EPHA10: variants seen among roughly 807,000 people sequenced by gnomAD.
EPHA10 encodes the protein EPH receptor A10.
In EPHA10, 120 loss-of-function variants were observed where a neutral mutation model predicts 109.7. That is an observed-to-expected ratio of 1.09 (90% confidence interval 0.94 to 1.27). EPHA10 has a LOEUF of 1.27. EPHA10 is among the 50% of genes most tolerant of loss of function. EPHA10 has a pLI of 0.00. For synonymous variants in EPHA10, 640 were observed against 618.9 expected (o/e 1.03, Z -0.51); for missense variants, 1,396 against 1,411.1 (o/e 0.99, Z 0.17).
chr1:37,738,519 G>T (rs926259149), intron 5 of EPHA10, among the ~76,000 whole-genome samples: 4 of 152,154 alleles, frequency 2.6e-5, no homozygotes, highest in Non-Finnish European at 4.4e-5. Flanking sequence ...ACAAGTGTTG[G>T]CAAGGACATG....
intron 3 of EPHA10, among the ~76,000 whole-genome samples, chr1:37,755,205 C>T (rs1434024357): frequency 1.3e-5 from 2 of 152,156 alleles, no homozygotes; most frequent in Non-Finnish European, 2.9e-5. Context: ...CATCACACCA[C>T]CCTCAGGACC....
chr1:37,723,260 A>G (rs919227492), intron 9 of EPHA10, 51 bp downstream of exon 9: 1 of 1,609,800 alleles, frequency 6.2e-7, no homozygotes, highest in South Asian at 1.1e-5. Flanking sequence ...AGGGCTGAGG[A>G]GTGAGGCAGG....
intron 5 of EPHA10, among the ~76,000 whole-genome samples, chr1:37,739,073 C>T (rs566724593): frequency 2.1e-3 from 315 of 152,042 alleles, no homozygotes; most frequent in African/African-American, 7.1e-3. Context: ...ATGGGTGCAA[C>T]AAACCAACAT....
Position 37,735,202 on chromosome 1 carries a change from G to A in EPHA10, c.1491+55C>T. On this transcript the variant is annotated intron_variant, in intron 6 of 16. Transcript: ENST00000373048. The stretch of plus-strand genomic sequence containing the variant: ...GGGAGGATGGCCTGAAGAACCAGAA[G>A]CCCTGCGGGACAGGTGCGGGGCAGG... 7 of 1,551,040 alleles carry A rather than the reference G, an allele frequency of 4.5e-6. No homozygotes were observed. The South Asian group carries it at 6.0e-5, about 13-fold the overall frequency.
Position 37,731,543 on chromosome 1 carries a change from C to T in EPHA10, c.1531G>A (p.Ala511Thr), listed in dbSNP as rs2148330187. Residue 511 changes from alanine to threonine, a missense_variant, in exon 7 of 17, where the codon GCG (alanine) becomes ACG (threonine). Transcript: ENST00000373048. ...AGGTTGGTGACGGTGACTGTGGGCG[C>T]CCCTGTCTTCACCATGGAGTAAGTC... ...EQTYSMVKTG[A>T]PTVTVTNLKP... 1 of 1,613,932 alleles carries T rather than the reference C, an allele frequency of 6.2e-7. No homozygotes were observed. The highest frequency in any genetic ancestry group is 8.5e-7 in the Non-Finnish European group (1 of 1,179,924).
In EPHA10 at chr1:37,731,480, C is replaced by T. The variant is rs35063879; in HGVS notation, c.1594G>A (p.Ala532Thr). The T allele has an allele frequency of 2.7e-3, 4,433 of 1,613,934 alleles. 102 individuals carry two copies. The African/African-American group carries it at 0.051, about 19-fold the overall frequency. The change falls in exon 7 of 17, where the codon GCT becomes ACT. Residue 532 changes from alanine (A) to threonine (T), a missense_variant. Ala to Thr is a moderately conservative substitution (Grantham distance 58). Coordinates refer to ENST00000373048, the MANE Select transcript of EPHA10 (RefSeq NM_001099439.2). Reference protein sequence around the residue: ...ATRYVFQIRAASPGPSWEAQS... With the variant: ...ATRYVFQIRATSPGPSWEAQS... Reference sequence around the variant, plus strand: ...GCCTCCCAGGATGGCCCCGGGGAAGCGGCCCGGATCTGAAAGACGTAGCGG... The same window carrying T: ...GCCTCCCAGGATGGCCCCGGGGAAGTGGCCCGGATCTGAAAGACGTAGCGG...
chr1:37,762,942 G>A (rs1457331096), intron 1 of EPHA10, 93 bp from the exon 2 acceptor site: 3 of 1,230,692 alleles, frequency 2.4e-6, no homozygotes, highest in African/African-American at 1.5e-5. Flanking sequence ...TAAATTTGCT[G>A]AGAGAATGCA....
chr1:37,735,376 C>A lies in EPHA10; in HGVS notation c.1372G>T (p.Asp458Tyr), dbSNP rs570567265. Residue 458 changes from aspartate (D) to tyrosine (Y), a missense_variant, in exon 6 of 17, where the codon GAT becomes TAT. Transcript: ENST00000373048. ...STGPGAPWEE[D>Y]EIRRDRVEPQ... is the part of the protein sequence containing the mutation. Reference sequence around the variant, plus strand: ...TCCACTCGGTCCCTGCGGATCTCATCCTCCTCCCAGGGCGCTGAAAGTAAG... The same window carrying A: ...TCCACTCGGTCCCTGCGGATCTCATACTCCTCCCAGGGCGCTGAAAGTAAG... The A allele has an allele frequency of 4.0e-5, 64 of 1,581,256 alleles. No individual in the cohort carries two copies. In the Admixed American group the frequency reaches 9.0e-4, roughly 22 times the overall value.
chr1:37,761,362 A>G (rs1557560500), intron 3 of EPHA10, 43 bp downstream of exon 3: 2 of 1,563,840 alleles, frequency 1.3e-6, no homozygotes, highest in Admixed American at 1.8e-5. Context: ...ATTGCCACCT[A>G]CGCTCTACAC....
rs56171133 is a variant in EPHA10 at position 37,761,757 on chromosome 1, C to G, written c.498G>C (p.Leu166=). ...AADESFTQGD[L]GERKMKLNTE... is the part of the protein sequence containing the mutation. ...TGTTCAGCTTCATCTTGCGCTCACC[C>G]AGGTCGCCCTGCGTGAAGCTCTCGT... Residue 166 remains leucine, a synonymous_variant, in exon 3 of 17, where the codon CTG becomes CTC. Coordinates refer to ENST00000373048, the MANE Select transcript of EPHA10 (RefSeq NM_001099439.2). 3,104 of 1,613,828 alleles carry G rather than the reference C, an allele frequency of 1.9e-3. 56 individuals are homozygous for G. The African/African-American group carries it at 0.036, about 19-fold the overall frequency.
intron 6 of EPHA10, among the ~76,000 whole-genome samples, chr1:37,732,134 A>G (rs1044581857): frequency 1.3e-5 from 2 of 152,164 alleles, no homozygotes; most frequent in Non-Finnish European, 2.9e-5. Context: ...GACTCCCCCA[A>G]GGCCCCAGCT....
chr1:37,730,119 A>C (rs11803367), intron 7 of EPHA10, among the ~76,000 whole-genome samples: 2,849 of 152,142 alleles, frequency 0.019, 76 homozygotes, highest in African/African-American at 0.063. Context: ...CTCTCCCCAG[A>C]ATGCCTCCCT....
At chr1:37,739,328 C>T (rs1000047687) in intron 5 of EPHA10, among the ~76,000 whole-genome samples, 1 of 152,168 alleles carries the variant, frequency 6.6e-6, no homozygotes, top group African/African-American at 2.4e-5. Context: ...CATGATTCCA[C>T]TTATGTGAGG....
intron 5 of EPHA10, among the ~76,000 whole-genome samples, chr1:37,740,659 A>G (rs1490167111): frequency 2.0e-5 from 3 of 152,098 alleles, no homozygotes; most frequent in African/African-American, 4.8e-5. Context: ...CAAGTTTGAG[A>G]ACCGCCAGTC....
In EPHA10 at chr1:37,718,659, A is replaced by C; in HGVS notation, c.2912+2T>G. ...GCCTTGACCTTGGTGCCTTGGACTCACTGGGCAGTCATCTCGGCCACGGCC... is the reference window on the plus strand; with the variant it reads ...GCCTTGACCTTGGTGCCTTGGACTCCCTGGGCAGTCATCTCGGCCACGGCC... On this transcript the variant is annotated splice_donor_variant, in intron 16 of 16. Transcript: ENST00000373048. LOFTEE classifies it high-confidence loss of function. The C allele has an allele frequency of 6.2e-7, 1 of 1,613,154 alleles. No homozygotes were observed.
At chr1:37,719,054 C>G in intron 15 of EPHA10, 1 of 615,098 alleles carries the variant, frequency 1.6e-6, no homozygotes, top group Non-Finnish European at 2.8e-6. Context: ...CCGGAACAGT[C>G]TGGGGTAGGA....
chr1:37,764,901 TCGCC>T lies in EPHA10; in HGVS notation c.106+56_106+59del. The T allele has an allele frequency of 6.8e-7, 1 of 1,469,166 alleles. No homozygotes were observed. Among genetic ancestry groups the T allele is most frequent in the South Asian group, 1.2e-5 (1 of 82,192 alleles). 91.0% of individuals were successfully genotyped at this position (1,469,166 alleles called of 1,614,324 possible). A position where few individuals can be genotyped will look rare whatever the true frequency, so the allele number is the denominator to read the frequency against. ...ATGACTCCTTCCCCCAGAACCCCCATCGCCAGCCCCCTATCTTTTGGTATGCCAC... is the reference window on the plus strand; with the variant it reads ...ATGACTCCTTCCCCCAGAACCCCCATAGCCCCCTATCTTTTGGTATGCCAC... On this transcript the variant is annotated intron_variant, in intron 1 of 16. Transcript: ENST00000373048. The surrounding 1 kb of genome is among the most constrained non-coding windows in gnomAD (Gnocchi z 5.8).
chr1:37,755,537 G>C (rs149073837), intron 3 of EPHA10, among the ~76,000 whole-genome samples: 95 of 152,278 alleles, frequency 6.2e-4, no homozygotes, highest in African/African-American at 2.1e-3. Flanking sequence ...AGGTTGTTAA[G>C]ATCACAAGTG....
At chr1:37,761,194 A>C in intron 3 of EPHA10, 1 of 1,469,388 alleles carries the variant, frequency 6.8e-7, no homozygotes, top group African/African-American at 1.4e-5. Context: ...CTCCTTAGCC[A>C]GTCAATTTCA....
Sources: allele counts gnomAD v4.1 joint callset (sites outside exome capture counted in the v4.1 genomes callset), GRCh38; gene constraint gnomAD v4.1.1; non-coding constraint Gnocchi (gnomAD v3.1); transcripts MANE v1.5; gene names NCBI Gene and HGNC (gene_info 2026-07-23, HGNC 2026-07-21).